Variants in CRACDL observed in about 807,000 individuals in gnomAD.
CRACDL encodes CRACD-like protein.
Under a neutral mutation model 70.6 loss-of-function variants are expected in CRACDL, and 26 were observed. The observed-to-expected ratio is 0.37, with a 90% confidence interval of 0.27 to 0.51. The LOEUF is 0.51. CRACDL is among the 20% of genes least tolerant of loss of function. The pLI, the probability that CRACDL is intolerant of heterozygous loss-of-function variation, is 0.94. For missense variants in CRACDL, 1,283 were observed against 1,376.9 expected (o/e 0.93, Z 1.08); for synonymous variants, 618 against 615.2 (o/e 1.00, Z -0.07).
intron 1 of CRACDL, among the ~76,000 whole-genome samples, chr2:98,881,822 T>C (rs572056136): frequency 1.3e-5 from 2 of 152,246 alleles, no homozygotes; most frequent in South Asian, 2.1e-4. Flanking sequence ...GGAGGGAGTC[T>C]CTGAAGTTGA....
At chr2:98,891,403 A>AAAAAAAAAC (rs1707977377) in intron 1 of CRACDL, among the ~76,000 whole-genome samples, 1 of 149,524 alleles carries the variant, frequency 6.7e-6, no homozygotes, top group South Asian at 2.2e-4. Context: ...AAAAAAAAAA[A>AAAAAAAAAC]AATCCAAACT....
chr2:98,872,451 G>T (rs146182078), intron 1 of CRACDL, among the ~76,000 whole-genome samples: 1 of 152,140 alleles, frequency 6.6e-6, no homozygotes, highest in Non-Finnish European at 1.5e-5. Context: ...AGACAATGGG[G>T]ACTTCAAAAG....
intron 1 of CRACDL, among the ~76,000 whole-genome samples, chr2:98,848,536 T>C: frequency 6.6e-6 from 1 of 152,194 alleles, no homozygotes; most frequent in Non-Finnish European, 1.5e-5. Context: ...TTGCCTGAAT[T>C]TGGAGTTAAC....
rs751454818 is a variant in CRACDL, at chr2:98,822,985, C to A, written c.1288G>T (p.Gly430Trp). 1 of 1,490,130 alleles carries A rather than the reference C, an allele frequency of 6.7e-7. No homozygotes were observed. The highest frequency in any genetic ancestry group is 8.9e-7 in the Non-Finnish European group (1 of 1,119,934). The allele number at this position is 1,490,130 out of a possible 1,614,324, so 92.3% of individuals were successfully genotyped here. A position where few individuals can be genotyped will look rare whatever the true frequency, so the allele number is the denominator to read the frequency against. The change falls in exon 7 of 10, where the codon GGG becomes TGG. Residue 430 changes from glycine (G) to tryptophan (W), a missense_variant. Coordinates refer to ENST00000397899, the MANE Select transcript of CRACDL (RefSeq NM_207362.3). The surrounding 1 kb of genome is among the most constrained non-coding windows in gnomAD (Gnocchi z 4.9). ...TCCTTCGGGACACTGCGTTCTGGCC[C>A]GTCGCGAGCAGAGGGCGCCTCTGAG... is the stretch of plus-strand genomic sequence containing the variant. ...ATSEAPSARD[G>W]PERSVPKEAE...
chr2:98,858,743 C>T (rs990194127), intron 1 of CRACDL, among the ~76,000 whole-genome samples: 24 of 152,132 alleles, frequency 1.6e-4, no homozygotes, highest in African/African-American at 5.5e-4. Flanking sequence ...AGACCTATCG[C>T]TCTACTAACC....
intron 2 of CRACDL, among the ~76,000 whole-genome samples, chr2:98,846,231 G>A (rs1200452133): frequency 6.6e-6 from 1 of 152,152 alleles, no homozygotes; most frequent in East Asian, 1.9e-4. Flanking sequence ...ATGAGATGGT[G>A]ATTCATGGGC....
intron 1 of CRACDL, among the ~76,000 whole-genome samples, chr2:98,855,369 CAT>C (rs1232685204): frequency 6.6e-6 from 1 of 151,058 alleles, no homozygotes; most frequent in Non-Finnish European, 1.5e-5. Context: ...ATGTTACAAA[CAT>C]ATAGATATAT....
chr2:98,859,142 A>G (rs1706833747), intron 1 of CRACDL, among the ~76,000 whole-genome samples: 1 of 152,222 alleles, frequency 6.6e-6, no homozygotes, highest in Non-Finnish European at 1.5e-5. Flanking sequence ...TTGTGAAGCC[A>G]GTATTACCCT....
Position 98,878,639 on chromosome 2 carries a change from T to C in CRACDL, c.-10-31829A>G, listed in dbSNP as rs536384956. On this transcript the variant is annotated intron_variant, in intron 1 of 9. Coordinates refer to ENST00000397899, the MANE Select transcript of CRACDL (RefSeq NM_207362.3). ...GCACAAACTCAGTTTTACGTGAAGATGTTTTAGTTAACCAACATATGAAAC... is the reference window on the plus strand; with the variant it reads ...GCACAAACTCAGTTTTACGTGAAGACGTTTTAGTTAACCAACATATGAAAC... Among the ~76,000 whole-genome samples, 9 of 152,350 alleles carry C rather than the reference T, an allele frequency of 5.9e-5. No homozygotes were observed. In the South Asian group the frequency reaches 1.9e-3, roughly 32 times the overall value.
In CRACDL at chr2:98,906,260, C is replaced by CT. The variant is rs200373942; in HGVS notation, c.-11+29677dup. Among the ~76,000 whole-genome samples the CT allele has an allele frequency of 7.6e-3, 1,055 of 139,126 alleles. 9 individuals are homozygous for CT. The highest frequency in any genetic ancestry group is 0.013 in the African/African-American group (496 of 38,076). 91.3% of individuals were successfully genotyped at this position (139,126 alleles called of 152,430 possible). A position where few individuals can be genotyped will look rare whatever the true frequency, so the allele number is the denominator to read the frequency against. On this transcript the variant is annotated intron_variant, in intron 1 of 9. Transcript: ENST00000397899. ...TGAATTCTTTTTATTTTTTCTTTTC[C>CT]TTTTTTTTTTTTTTTTGTTTGAGAC...
chr2:98,842,868 T>TTGTGTGTGTG lies in CRACDL; in HGVS notation c.70+3853_70+3862dup, dbSNP rs67398751. The stretch of plus-strand genomic sequence containing the variant: ...GCAATTATAAATAAGTTGCTATAGT[T>TTGTGTGTGTG]TGTGTGTGTGTGTGTGTGTGTGTGT... On this transcript the variant is annotated intron_variant, in intron 2 of 9. Transcript: ENST00000397899. 1.2e-3 allele frequency among the ~76,000 whole-genome samples: 169 copies of TTGTGTGTGTG among 145,062 alleles called. 2 individuals are homozygous for TTGTGTGTGTG. Among genetic ancestry groups the TTGTGTGTGTG allele is most frequent in the African/African-American group, 4.1e-3 (164 of 39,882 alleles).
chr2:98,880,588 C>T lies in CRACDL; in HGVS notation c.-10-33778G>A, dbSNP rs137919854. On this transcript the variant is annotated intron_variant, in intron 1 of 9. Coordinates refer to ENST00000397899, the MANE Select transcript of CRACDL (RefSeq NM_207362.3). ...CGATAGGATGGAGTGTGTTTCTGAG[C>T]GGGTGTTTGCAGGGTGTCTGCCCCT... Among the ~76,000 whole-genome samples the T allele has an allele frequency of 7.4e-4, 112 of 152,164 alleles. 1 individual carries two copies. The highest frequency in any genetic ancestry group is 2.6e-3 in the African/African-American group (110 of 41,532).
intron 1 of CRACDL, among the ~76,000 whole-genome samples, chr2:98,932,480 G>A (rs993352135): frequency 1.1e-4 from 17 of 152,150 alleles, no homozygotes; most frequent in East Asian, 7.7e-4. Context: ...GGACCTTTCC[G>A]GCTTGTAGTG....
At chr2:98,921,179 T>C (rs1249088504) in intron 1 of CRACDL, among the ~76,000 whole-genome samples, 1 of 152,196 alleles carries the variant, frequency 6.6e-6, no homozygotes, top group East Asian at 1.9e-4. Flanking sequence ...CCAGACGTGC[T>C]CAGGCAAAGG....
At chr2:98,865,504 AGAT>A (rs1707099730) in intron 1 of CRACDL, among the ~76,000 whole-genome samples, 1 of 152,098 alleles carries the variant, frequency 6.6e-6, no homozygotes, top group African/African-American at 2.4e-5. Context: ...CTGGGGAAAA[AGAT>A]GAAAATAAAT....
chr2:98,796,279 G>A lies in CRACDL; in HGVS notation c.2605-15C>T, dbSNP rs1338134319. The A allele has an allele frequency of 6.2e-7, 1 of 1,608,946 alleles. No individual in the cohort carries two copies. Among genetic ancestry groups the A allele is most frequent in the Non-Finnish European group, 8.5e-7 (1 of 1,175,536 alleles). ...TTCACAGGCTCCTGTTGGGACATAA[G>A]ACACATGCTGCCAAGTTAACAATGA... On this transcript the variant is annotated splice_polypyrimidine_tract_variant and intron_variant, in intron 8 of 9. Transcript: ENST00000397899.
At chr2:98,924,906 C>T (rs1447390114) in intron 1 of CRACDL, among the ~76,000 whole-genome samples, 3 of 152,232 alleles carry the variant, frequency 2.0e-5, no homozygotes, top group Non-Finnish European at 2.9e-5. Flanking sequence ...CACACAAATG[C>T]TTGCCTTTCC....
intron 1 of CRACDL, among the ~76,000 whole-genome samples, chr2:98,911,862 C>T (rs1708554835): frequency 6.6e-6 from 1 of 152,202 alleles, no homozygotes; most frequent in African/African-American, 2.4e-5. Flanking sequence ...GTGTGTTTCG[C>T]ATATGGCTAC....
chr2:98,923,756 A>G (rs1243856734), intron 1 of CRACDL, among the ~76,000 whole-genome samples: 1 of 152,226 alleles, frequency 6.6e-6, no homozygotes, highest in Non-Finnish European at 1.5e-5. Context: ...CATTTTTCCT[A>G]CTGATGAATT....
Sources: gnomAD v4.1 joint callset for allele counts (sites outside exome capture counted in the v4.1 genomes callset) on GRCh38, gnomAD v4.1.1 for gene constraint, Gnocchi (gnomAD v3.1) non-coding constraint, MANE v1.5 for transcripts, NCBI Gene and HGNC (gene_info 2026-07-23, HGNC 2026-07-21) for gene names.